MAF: variants seen among roughly 807,000 people sequenced by gnomAD.
MAF encodes transcription factor Maf.
MAF carries 10 observed loss-of-function variants against 22.0 expected under a neutral mutation model. That is an observed-to-expected ratio of 0.45 (90% confidence interval 0.28 to 0.77). MAF has a LOEUF of 0.77. MAF is among the 30% of genes least tolerant of loss of function. The pLI is 0.12. For synonymous variants in MAF, 337 were observed against 255.8 expected (o/e 1.32, Z -3.03); for missense variants, 544 against 548.4 (o/e 0.99, Z 0.08).
chr16:79,582,909 G>A (rs1912611867), downstream of MAF, among the ~76,000 whole-genome samples: 1 of 152,182 alleles, frequency 6.6e-6, no homozygotes, highest in Non-Finnish European at 1.5e-5. Context: ...ATGGGGTCAA[G>A]ACCAGCCACC....
At chr16:79,276,081 C>T in the MAF span, among the ~76,000 whole-genome samples, 1 of 151,796 alleles carries the variant, frequency 6.6e-6, no homozygotes, top group Non-Finnish European at 1.5e-5. Flanking sequence ...GCAGAGGTTG[C>T]AGTGAGCCGA....
the MAF span, among the ~76,000 whole-genome samples, chr16:79,368,465 T>C: frequency 5.3e-5 from 8 of 152,184 alleles, no homozygotes; most frequent in Admixed American, 5.2e-4. Context: ...CAGTGGTTTT[T>C]AGTATATGAC....
the MAF span, among the ~76,000 whole-genome samples, chr16:79,214,479 C>A: frequency 1.3e-5 from 2 of 152,188 alleles, no homozygotes; most frequent in Non-Finnish European, 2.9e-5. Flanking sequence ...GATCTCAGCT[C>A]ACTGCAACCT....
the MAF span, chr16:79,205,033 G>T: frequency 6.6e-6 from 1 of 152,142 alleles, no homozygotes; most frequent in African/African-American, 2.4e-5. Flanking sequence ...AGCCAGACTC[G>T]GATTTGGGGG....
At chr16:79,533,627 C>G in the MAF span, among the ~76,000 whole-genome samples, 1 of 151,978 alleles carries the variant, frequency 6.6e-6, no homozygotes, top group Non-Finnish European at 1.5e-5. Context: ...AACTTTTGTC[C>G]GGAGGTAGGA....
the MAF span, among the ~76,000 whole-genome samples, chr16:79,225,413 A>T: frequency 9.2e-5 from 14 of 152,230 alleles, no homozygotes; most frequent in African/African-American, 3.4e-4. Flanking sequence ...AAAACCCTAG[A>T]AGAAAACCTA....
the MAF span, among the ~76,000 whole-genome samples, chr16:79,492,612 G>A: frequency 1.2e-3 from 176 of 151,944 alleles, 2 homozygotes; most frequent in Non-Finnish European, 1.7e-3. Context: ...TAGCCCCAAA[G>A]CTTAAATGAA....
the MAF span, among the ~76,000 whole-genome samples, chr16:79,543,343 G>A: frequency 1.3e-5 from 2 of 152,196 alleles, no homozygotes; most frequent in African/African-American, 2.4e-5. Context: ...CATGACCCTG[G>A]TCAAGTGCCT....
the MAF span, among the ~76,000 whole-genome samples, chr16:79,291,292 A>G: frequency 6.6e-6 from 1 of 152,070 alleles, no homozygotes; most frequent in Non-Finnish European, 1.5e-5. Flanking sequence ...GTAGGTTTGG[A>G]CAGTGGGAGG....
chr16:79,536,385 G>A, the MAF span, among the ~76,000 whole-genome samples: 1 of 152,230 alleles, frequency 6.6e-6, no homozygotes. Flanking sequence ...GCTCATGCCT[G>A]TAATCCCAGC....
the MAF span, among the ~76,000 whole-genome samples, chr16:79,474,550 G>A: frequency 3.9e-5 from 6 of 152,186 alleles, no homozygotes; most frequent in African/African-American, 1.4e-4. Context: ...CCCATAAAAG[G>A]CTGATAAGGT....
chr16:79,349,187 G>C, the MAF span, among the ~76,000 whole-genome samples: 17 of 152,192 alleles, frequency 1.1e-4, no homozygotes, highest in Non-Finnish European at 2.5e-4. Context: ...CTTGCCCAAG[G>C]GCACACAGTG....
chr16:79,341,797 C>G, the MAF span, among the ~76,000 whole-genome samples: 1 of 152,104 alleles, frequency 6.6e-6, no homozygotes, highest in African/African-American at 2.4e-5. Flanking sequence ...AAGAGATGGC[C>G]ACTCCCATCA....
chr16:79,298,993 T>C, the MAF span, among the ~76,000 whole-genome samples: 11 of 152,202 alleles, frequency 7.2e-5, no homozygotes, highest in Admixed American at 6.5e-4. Context: ...CCTGGTGGAG[T>C]GGCCCCTTCT....
At chr16:79,358,784 C>A in the MAF span, among the ~76,000 whole-genome samples, 2 of 152,314 alleles carry the variant, frequency 1.3e-5, no homozygotes, top group East Asian at 1.9e-4. Context: ...AAGCCCCAGT[C>A]TCCCACCTCA....
At chr16:79,595,977 T>C in intron 1 of MAF, 1 of 1,061,292 alleles carries the variant, frequency 9.4e-7, no homozygotes, top group Non-Finnish European at 1.1e-6. Context: ...ATGTTAAATC[T>C]TGTCAGGCCT....
the MAF span, among the ~76,000 whole-genome samples, chr16:79,544,500 C>T: frequency 6.6e-6 from 1 of 151,884 alleles, no homozygotes; most frequent in Non-Finnish European, 1.5e-5. Context: ...AGCAGCCGGG[C>T]ATGGTGGCTC....
the MAF span, among the ~76,000 whole-genome samples, chr16:79,429,431 A>T: frequency 5.3e-5 from 8 of 152,146 alleles, no homozygotes; most frequent in Admixed American, 2.0e-4. Flanking sequence ...CCTTGGCAGG[A>T]GACCTCCCCT....
chr16:79,391,666 A>G, the MAF span, among the ~76,000 whole-genome samples: 2 of 152,084 alleles, frequency 1.3e-5, no homozygotes, highest in African/African-American at 2.4e-5. Flanking sequence ...GCTGAAACGT[A>G]GGTGGGCATC....
Sources: gnomAD v4.1 joint callset for allele counts (sites outside exome capture counted in the v4.1 genomes callset) on GRCh38, gnomAD v4.1.1 for gene constraint, MANE v1.5 for transcripts, NCBI Gene and HGNC (gene_info 2026-07-23, HGNC 2026-07-21) for gene names.